The following ZFHX3 variants were observed in gnomAD, a reference collection of about 807,000 sequenced individuals.
The protein encoded by ZFHX3 is zinc finger homeobox protein 3.
ZFHX3 carries 42 observed loss-of-function variants against 279.1 expected under a neutral mutation model. That is an observed-to-expected ratio of 0.15 (90% CI 0.12 to 0.19). The LOEUF is 0.19. Among genes scored for constraint, ZFHX3 ranks in the 10% least tolerant of loss-of-function variants. The probability of loss-of-function intolerance (pLI) is 1.00; values close to 1 mark genes in which losing one functional copy is unlikely to be tolerated. For missense variants in ZFHX3, 4,981 were observed against 4,754.0 expected, an observed-to-expected ratio of 1.05 and a Z score of -1.40; for synonymous variants, 2,293 against 1,957.8, an observed-to-expected ratio of 1.17 and a Z score of -4.52.
chr16:73,167,157 G>C (rs886990819), intron 5 of ZFHX3, among the ~76,000 whole-genome samples: 1 of 152,202 alleles, frequency 6.6e-6, no homozygotes, highest in South Asian at 2.1e-4. Flanking sequence ...TTGGGGAAAA[G>C]AAAAACTGGC....
chr16:73,647,088 C>A (rs1052069405), intron 2 of ZFHX3, among the ~76,000 whole-genome samples: 1 of 150,418 alleles, frequency 6.6e-6, no homozygotes, highest in Non-Finnish European at 1.5e-5. Flanking sequence ...TCTCGGCGCA[C>A]TGCACGGTCC....
chr16:72,826,215 G>A (rs761385246), intron 5 of ZFHX3, among the ~76,000 whole-genome samples: 3 of 152,140 alleles, frequency 2.0e-5, no homozygotes, highest in Non-Finnish European at 2.9e-5. Flanking sequence ...CCCCCAAAAA[G>A]GAAACCAGGA....
chr16:72,885,409 A>T (rs1761892989), intron 4 of ZFHX3, among the ~76,000 whole-genome samples: 1 of 152,252 alleles, frequency 6.6e-6, no homozygotes, highest in African/African-American at 2.4e-5. Context: ...GAAGGGATGG[A>T]GGAGACCTTT....
intron 1 of ZFHX3, among the ~76,000 whole-genome samples, chr16:73,879,343 CTT>C (rs548629474): frequency 6.7e-6 from 1 of 150,166 alleles, no homozygotes; most frequent in Non-Finnish European, 1.5e-5. Flanking sequence ...CACAAAGTCT[CTT>C]TTTATATGTT....
chr16:73,132,578 C>T (rs1966707464), intron 6 of ZFHX3, among the ~76,000 whole-genome samples: 1 of 152,146 alleles, frequency 6.6e-6, no homozygotes, highest in Non-Finnish European at 1.5e-5. Flanking sequence ...ATTTGTCCTG[C>T]TTCATGGTCT....
At chr16:72,818,446 A>T (rs1180143682) in intron 5 of ZFHX3, among the ~76,000 whole-genome samples, 1 of 152,298 alleles carries the variant, frequency 6.6e-6, no homozygotes, top group Non-Finnish European at 1.5e-5. Context: ...GTGGCCAAAG[A>T]TCTAGCTAAA....
chr16:73,231,932 T>C (rs949271575), intron 5 of ZFHX3: 1 of 152,118 alleles, frequency 6.6e-6, no homozygotes, highest in African/African-American at 2.4e-5. Context: ...TTTTCTATCT[T>C]TTGGGCGACA....
chr16:72,925,955 C>T (rs567214742), intron 3 of ZFHX3, among the ~76,000 whole-genome samples: 2 of 152,312 alleles, frequency 1.3e-5, no homozygotes, highest in South Asian at 4.1e-4. Flanking sequence ...TGCACGAAAG[C>T]ATGTTCCCAA....
At chr16:73,215,390 A>C (rs2012168341) in intron 5 of ZFHX3, among the ~76,000 whole-genome samples, 1 of 152,188 alleles carries the variant, frequency 6.6e-6, no homozygotes, top group South Asian at 2.1e-4. Flanking sequence ...CCATACCAAA[A>C]AGCACAGCTG....
At position 72,793,285 on chromosome 16, in the gene ZFHX3, A is replaced by G. The variant is rs779415863; in HGVS notation, c.9397T>C (p.Ser3133Pro). 1.2e-6 allele frequency: 2 copies of G among 1,613,912 alleles called. No individual in the cohort carries two copies. Among genetic ancestry groups the G allele is most frequent in the Non-Finnish European group, 1.7e-6 (2 of 1,179,868 alleles). The stretch of plus-strand genomic sequence containing the variant: ...TTGGATGGAGTAAAGCCTGGCAAGG[A>G]GGGGCTGTTGAGGCCCGGGAGCAAC... ...PVLLPGLNSP[S>P]LPGFTPSNTA... The change falls in exon 9 of 10, where the codon TCC becomes CCC. Residue 3133 changes from serine (S) to proline (P), a missense_variant. Physicochemically the swap from Ser to Pro is moderately conservative, Grantham distance 74 (BLOSUM62 -1). Around this residue, in one of 7 missense-constraint regions of ZFHX3, gnomAD observed 1,034 missense variants for 786.0 expected, o/e 1.32. Transcript: ENST00000268489. This position sits in a 1 kb window ranked among gnomAD's most constrained non-coding sequence, Gnocchi z 4.3.
chr16:73,416,136 A>C (rs1211382695), intron 3 of ZFHX3, among the ~76,000 whole-genome samples: 2 of 151,240 alleles, frequency 1.3e-5, no homozygotes, highest in African/African-American at 4.9e-5. Context: ...AAAAAAAAAA[A>C]AACAAAAAAC....
At chr16:72,961,645 T>G (rs1021563280) in intron 1 of ZFHX3, among the ~76,000 whole-genome samples, 8 of 152,032 alleles carry the variant, frequency 5.3e-5, no homozygotes, top group Admixed American at 5.2e-4. Context: ...TTTTTTTCAT[T>G]TCTTGATTAT....
At chr16:73,257,159 T>C (rs1002973934) in intron 4 of ZFHX3, 1 of 152,156 alleles carries the variant, frequency 6.6e-6, no homozygotes, top group Non-Finnish European at 1.5e-5. Context: ...AAAAAGTAAA[T>C]AGTTTCAAAA....
At chr16:73,665,370 T>G (rs531532541) in intron 2 of ZFHX3, among the ~76,000 whole-genome samples, 10 of 151,992 alleles carry the variant, frequency 6.6e-5, no homozygotes, top group Non-Finnish European at 1.3e-4. Context: ...CCAGCCACCA[T>G]GCCCAGCTAA....
intron 5 of ZFHX3, among the ~76,000 whole-genome samples, chr16:73,173,748 G>A (rs74520636): frequency 6.6e-6 from 1 of 152,238 alleles, no homozygotes; most frequent in East Asian, 1.9e-4. Flanking sequence ...CCCAGGTTTG[G>A]CCAAAGTCAC....
intron 6 of ZFHX3, among the ~76,000 whole-genome samples, chr16:73,141,820 A>G (rs1347027981): frequency 6.6e-6 from 1 of 152,192 alleles, no homozygotes; most frequent in Admixed American, 6.5e-5. Context: ...GCAGAGAAAG[A>G]ATAGGTCTGG....
intron 4 of ZFHX3, among the ~76,000 whole-genome samples, chr16:73,271,946 G>C (rs1339925218): frequency 2.6e-5 from 4 of 152,132 alleles, no homozygotes; most frequent in Non-Finnish European, 5.9e-5. Flanking sequence ...GTTGTTCCAA[G>C]GCAACAATGT....
chr16:72,842,344 A>G (rs368277900), intron 4 of ZFHX3, among the ~76,000 whole-genome samples: 5 of 152,054 alleles, frequency 3.3e-5, no homozygotes, highest in Admixed American at 2.0e-4. Flanking sequence ...CAGCCTCCCA[A>G]AGTGTTGGGA....
At chr16:73,169,586 G>A (rs962174617) in intron 5 of ZFHX3, among the ~76,000 whole-genome samples, 2 of 151,806 alleles carry the variant, frequency 1.3e-5, no homozygotes, top group East Asian at 3.9e-4. Context: ...AGGTTGCAGC[G>A]AGGCAGAGGT....
Sources: allele counts gnomAD v4.1 joint callset (sites outside exome capture counted in the v4.1 genomes callset), GRCh38; gene constraint gnomAD v4.1.1; regional missense constraint gnomAD v4.1.1; non-coding constraint Gnocchi (gnomAD v3.1); transcripts MANE v1.5; gene names NCBI Gene and HGNC (gene_info 2026-07-23, HGNC 2026-07-21).